The following FASTKD2 variants were observed in gnomAD, a reference collection of about 807,000 sequenced individuals.
FASTKD2 encodes the protein FAST kinase domains 2, also known as FAST kinase domain-containing protein 2, mitochondrial.
Under a neutral mutation model 63.6 loss-of-function variants are expected in FASTKD2, and 51 were observed. The ratio of observed to expected loss-of-function variants is 0.80; its 90% CI spans 0.64 to 1.01. The LOEUF (loss-of-function observed/expected upper bound fraction) is 1.01, where lower values mean the gene tolerates loss of function less well. Among genes scored for constraint, FASTKD2 ranks in the 50% least tolerant of loss-of-function variants. The pLI is 0.00. For missense variants in FASTKD2, 786 were observed against 831.1 expected, an observed-to-expected ratio of 0.95 and a Z score of 0.67; for synonymous variants, 284 against 293.4, an observed-to-expected ratio of 0.97 and a Z score of 0.33.
At chr2:206,783,309 T>C in intron 7 of FASTKD2, 1 of 151,022 alleles carries the variant, frequency 6.6e-6, no homozygotes, top group Middle Eastern at 1.4e-3. Context: ...ACATGACAAG[T>C]TGTGTCACAT....
chr2:206,767,016 A>G lies in FASTKD2; in HGVS notation c.323A>G (p.Tyr108Cys), dbSNP rs765453133. The G allele has an allele frequency of 1.2e-6, 2 of 1,613,734 alleles. No homozygotes were observed. The highest frequency in any genetic ancestry group is 8.5e-7 in the Non-Finnish European group (1 of 1,179,622). ...LTALRIERLL[Y>C]AKRLFFDSKQ... ...GCCCTTAGAATTGAAAGACTACTTT[A>G]TGCTAAAAGACTGTTTTTTGACTCA... The change falls in exon 2 of 12, where the codon TAT becomes TGT. Residue 108 changes from tyrosine to cysteine, a missense_variant. By Grantham distance (194) the Tyr-to-Cys change is radical (BLOSUM62 -2). Transcript: ENST00000402774.
chr2:206,772,485 G>A (rs960538817), intron 6 of FASTKD2, among the ~76,000 whole-genome samples, 165 bp downstream of exon 6: 19 of 152,128 alleles, frequency 1.2e-4, no homozygotes, highest in African/African-American at 3.6e-4. Flanking sequence ...CCTGTCTGGG[G>A]GCTACTTGCT....
intron 6 of FASTKD2, among the ~76,000 whole-genome samples, chr2:206,772,984 A>G (rs148877335): frequency 8.9e-4 from 135 of 152,266 alleles, no homozygotes; most frequent in African/African-American, 3.2e-3. Flanking sequence ...TCATCTTTCT[A>G]TTTGAAACAA....
At chr2:206,789,082 G>T in intron 10 of FASTKD2, 179 bp downstream of exon 10, 1 of 616,218 alleles carries the variant, frequency 1.6e-6, no homozygotes, top group South Asian at 1.9e-5. Context: ...GGACGTTATG[G>T]TTGAATACAA....
chr2:206,766,985 C>G lies in FASTKD2; in HGVS notation c.292C>G (p.Leu98Val), dbSNP rs768295259. The G allele has an allele frequency of 1.2e-6, 2 of 1,613,106 alleles. No individual in the cohort carries two copies. The highest frequency in any genetic ancestry group is 2.2e-5 in the South Asian group (2 of 91,006). The change falls in exon 2 of 12, where the codon CTA becomes GTA. Residue 98 changes from leucine to valine, a missense_variant. Leu to Val is a conservative substitution (Grantham distance 32). Coordinates refer to ENST00000402774, the MANE Select transcript of FASTKD2 (RefSeq NM_001136193.2). ...CTTTCAAACAAAGGGCATAAGCACT[C>G]TAACAGCCCTTAGAATTGAAAGACT... ...VGFQTKGISTLTALRIERLLY... is the reference protein window; with the variant it reads ...VGFQTKGISTVTALRIERLLY...
intron 7 of FASTKD2, among the ~76,000 whole-genome samples, chr2:206,786,114 G>A (rs960068639): frequency 2.6e-5 from 4 of 151,998 alleles, no homozygotes; most frequent in African/African-American, 4.8e-5. Context: ...TCAGATTGAC[G>A]TGTGTTCAAA....
chr2:206,771,026 G>A (rs973632711), intron 3 of FASTKD2, among the ~76,000 whole-genome samples, 156 bp from the exon 4 acceptor site: 3 of 152,072 alleles, frequency 2.0e-5, no homozygotes, highest in South Asian at 2.1e-4. Flanking sequence ...ATTGGGTCTC[G>A]ATCTTTAACT....
rs2105989250 is a variant in FASTKD2, at chr2:206,790,607, G to A, written c.1934G>A (p.Cys645Tyr). ...CTATGTGTTTCCAGATCTGCTTATT[G>A]TTTGGGTTCAAGCCACCCCAGAGGA... ...AVLCVSRSAY[C>Y]LGSSHPRGFL... The change falls in exon 11 of 12, where the codon TGT becomes TAT. Residue 645 changes from cysteine to tyrosine, a missense_variant. Cys to Tyr is a radical substitution (Grantham distance 194). Coordinates refer to ENST00000402774, the MANE Select transcript of FASTKD2 (RefSeq NM_001136193.2). The A allele has an allele frequency of 6.2e-7, 1 of 1,612,874 alleles. No homozygotes were observed. The highest frequency in any genetic ancestry group is 8.5e-7 in the Non-Finnish European group (1 of 1,178,924).
At chr2:206,778,763 C>T (rs1229853469) in intron 7 of FASTKD2, among the ~76,000 whole-genome samples, 1 of 151,752 alleles carries the variant, frequency 6.6e-6, no homozygotes, top group Non-Finnish European at 1.5e-5. Context: ...GGCAGGCGAA[C>T]ATTACTGCCT....
intron 7 of FASTKD2, among the ~76,000 whole-genome samples, chr2:206,776,906 G>A (rs1689838488): frequency 6.6e-6 from 1 of 151,958 alleles, no homozygotes; most frequent in African/African-American, 2.4e-5. Context: ...ATTTTAACAG[G>A]ATTAAGTCTT....
chr2:206,767,364 C>T lies in FASTKD2; in HGVS notation c.671C>T (p.Ala224Val), dbSNP rs762044898. 2.5e-6 allele frequency: 4 copies of T among 1,614,006 alleles called. No homozygotes were observed. Among genetic ancestry groups the T allele is most frequent in the Non-Finnish European group, 3.4e-6 (4 of 1,180,000 alleles). The change falls in exon 2 of 12, where the codon GCC becomes GTC. Residue 224 changes from alanine to valine, a missense_variant. Ala to Val is a moderately conservative substitution (Grantham distance 64). Coordinates refer to ENST00000402774, the MANE Select transcript of FASTKD2 (RefSeq NM_001136193.2). ...NQLCEHMMRE[A>V]KIMQYKYLLF... ...CTCTGTGAACATATGATGAGAGAAG[C>T]CAAGATCATGCAGTATAAGTACCTA...
chr2:206,787,655 C>T (rs1387921443), intron 8 of FASTKD2, among the ~76,000 whole-genome samples: 5 of 152,006 alleles, frequency 3.3e-5, no homozygotes, highest in African/African-American at 1.2e-4. Context: ...TTTAACTTTC[C>T]TGGGCATTTC....
chr2:206,790,599 T>C lies in FASTKD2; in HGVS notation c.1926T>C (p.Ser642=). The part of the protein sequence containing the change: ...QRVAVLCVSR[S]AYCLGSSHPR... ...TAGCTGTGCTATGTGTTTCCAGATC[T>C]GCTTATTGTTTGGGTTCAAGCCACC... The change falls in exon 11 of 12, where the codon TCT becomes TCC. Residue 642 remains serine, a synonymous_variant. Transcript: ENST00000402774. The C allele has an allele frequency of 6.2e-7, 1 of 1,611,516 alleles. No individual in the cohort carries two copies. Among genetic ancestry groups the C allele is most frequent in the South Asian group, 1.1e-5 (1 of 91,036 alleles).
At chr2:206,771,007 T>C (rs1689663949) in intron 3 of FASTKD2, among the ~76,000 whole-genome samples, 175 bp from the exon 4 acceptor site, 1 of 152,164 alleles carries the variant, frequency 6.6e-6, no homozygotes, top group Non-Finnish European at 1.5e-5. Flanking sequence ...AAAATAGCAC[T>C]ATTAATAGAT....
chr2:206,782,897 A>G (rs536686074), intron 7 of FASTKD2, among the ~76,000 whole-genome samples: 110 of 152,284 alleles, frequency 7.2e-4, no homozygotes, highest in Non-Finnish European at 6.6e-4. Flanking sequence ...TTTGAAAAAA[A>G]TTAGAGTGTA....
Position 206,795,400 on chromosome 2 carries a change from AT to A in FASTKD2, c.*3603del, listed in dbSNP as rs1559369924. Among the ~76,000 whole-genome samples the A allele has an allele frequency of 1.3e-5, 2 of 152,116 alleles. No individual in the cohort carries two copies. The highest frequency in any genetic ancestry group is 2.9e-5 in the Non-Finnish European group (2 of 68,012). ...AGGTGCCCACCTCCATGCCCGGCTA[AT>A]TTTTGTATTTTTAGCAGAAACAGGG... On this transcript the variant is annotated 3_prime_UTR_variant, in exon 12 of 12. Transcript: ENST00000402774.
chr2:206,766,273 A>C (rs893032280), intron 1 of FASTKD2, among the ~76,000 whole-genome samples: 1 of 151,124 alleles, frequency 6.6e-6, no homozygotes, highest in Non-Finnish European at 1.5e-5. Context: ...AAAAAAAAAA[A>C]AAAAAAAAAA....
chr2:206,771,817 C>G, intron 4 of FASTKD2, 77 bp from the exon 5 acceptor site: 1 of 1,195,266 alleles, frequency 8.4e-7, no homozygotes, highest in East Asian at 2.6e-5. Context: ...AGCACAAGAC[C>G]CTGTCTCAAT....
chr2:206,787,377 A>C (rs371779673), intron 8 of FASTKD2, among the ~76,000 whole-genome samples: 1 of 152,254 alleles, frequency 6.6e-6, no homozygotes, highest in African/African-American at 2.4e-5. Context: ...TCTTGGAACC[A>C]AATTAACTGT....
Sources: gnomAD v4.1 joint callset for allele counts (sites outside exome capture counted in the v4.1 genomes callset) on GRCh38, gnomAD v4.1.1 for gene constraint, MANE v1.5 for transcripts, NCBI Gene and HGNC (gene_info 2026-07-23, HGNC 2026-07-21) for gene names.